DNAH11: variants seen among roughly 807,000 people sequenced by gnomAD.
The protein encoded by DNAH11 is dynein axonemal heavy chain 11.
DNAH11 carries 442 observed loss-of-function variants against 526.0 expected under a neutral mutation model. The ratio of observed to expected loss-of-function variants is 0.84; its 90% CI spans 0.78 to 0.91. DNAH11 has a LOEUF of 0.91. Ranked by LOEUF, DNAH11 falls within the 40% of genes least tolerant of loss-of-function variation. DNAH11 has a pLI of 0.00. For synonymous variants in DNAH11, 2,461 were observed against 1,935.9 expected, an observed-to-expected ratio of 1.27 and a Z score of -7.12; for missense variants, 6,989 against 5,448.7, an observed-to-expected ratio of 1.28 and a Z score of -8.90.
intron 46 of DNAH11, among the ~76,000 whole-genome samples, chr7:21,736,412 C>T (rs188565837): frequency 3.4e-4 from 52 of 152,220 alleles, no homozygotes; most frequent in African/African-American, 1.2e-3. Flanking sequence ...ACCGAAAGAG[C>T]TGATGTCGGA....
Position 21,681,537 on chromosome 7 carries a change from T to C in DNAH11, c.5329-9T>C, listed in dbSNP as rs773240082. The C allele has an allele frequency of 6.2e-6, 10 of 1,612,302 alleles. No homozygotes were observed. The highest frequency in any genetic ancestry group is 8.5e-6 in the Non-Finnish European group (10 of 1,179,010). The stretch of plus-strand genomic sequence containing the variant: ...CCTTCTCTCCTTTTTAAAAAATGAT[T>C]CCTTCTAGATTTCTCAGCTGAATAC... On this transcript the variant is annotated splice_polypyrimidine_tract_variant and intron_variant, in intron 30 of 81. Coordinates refer to ENST00000409508, the MANE Select transcript of DNAH11 (RefSeq NM_001277115.2).
At chr7:21,860,766 C>G (rs924542490) in intron 68 of DNAH11, among the ~76,000 whole-genome samples, 43 of 152,202 alleles carry the variant, frequency 2.8e-4, no homozygotes, top group African/African-American at 9.9e-4. Flanking sequence ...ACCCAAGAGA[C>G]TGGGTGATTT....
At chr7:21,675,301 G>A (rs1021960463) in intron 30 of DNAH11, among the ~76,000 whole-genome samples, 5 of 152,142 alleles carry the variant, frequency 3.3e-5, no homozygotes, top group Admixed American at 6.6e-5. Context: ...ACCTCTTTCA[G>A]TTTTTCCACA....
chr7:21,711,769 T>G lies in DNAH11; in HGVS notation c.6892T>G (p.Phe2298Val). The change falls in exon 42 of 82, where the codon TTT (phenylalanine) becomes GTT (valine). Residue 2298 changes from phenylalanine to valine, a missense_variant. Physicochemically the swap from Phe to Val is conservative, Grantham distance 50. Transcript: ENST00000409508. ...IALTPFMRLL[F>V]EIHHLRSATP... ...ACTCACTCCCTTCATGAGGCTTCTG[T>G]TTGAGATACATCACTTAAGGAGCGC... 6.2e-7 allele frequency: 1 copy of G among 1,613,878 alleles called. No homozygotes were observed. The highest frequency in any genetic ancestry group is 8.5e-7 in the Non-Finnish European group (1 of 1,179,814).
At chr7:21,606,758 T>A in intron 20 of DNAH11, 25 bp downstream of exon 20, 1 of 1,565,964 alleles carries the variant, frequency 6.4e-7, no homozygotes. Context: ...AAATATCCTG[T>A]GTGCATTAAA....
rs376858243 is a variant in DNAH11, at chr7:21,687,192, C to T, written c.5715C>T (p.Asp1905=). The change falls in exon 33 of 82, where the codon GAC becomes GAT. Residue 1905 remains aspartate, a synonymous_variant. Transcript: ENST00000409508. ...CCGGGAAAACAGAGACCACCAAAGACCTAGGACGTGCCCTTGGCATGATGG... is the reference window on the plus strand; with the variant it reads ...CCGGGAAAACAGAGACCACCAAAGATCTAGGACGTGCCCTTGGCATGATGG... The part of the protein sequence containing the change: ...AGTGKTETTK[D]LGRALGMMVY... 6.8e-6 allele frequency: 11 copies of T among 1,611,424 alleles called. No individual in the cohort carries two copies. Among genetic ancestry groups the T allele is most frequent in the African/African-American group, 1.3e-5 (1 of 74,866 alleles).
intron 47 of DNAH11, 42 bp downstream of exon 47, chr7:21,738,908 A>T: frequency 1.4e-6 from 2 of 1,434,516 alleles, no homozygotes; most frequent in Non-Finnish European, 1.9e-6. Flanking sequence ...AAAATCTAAT[A>T]ATTATTATGG....
intron 65 of DNAH11, among the ~76,000 whole-genome samples, chr7:21,826,608 T>A (rs989697962): frequency 2.0e-5 from 3 of 152,194 alleles, no homozygotes; most frequent in Admixed American, 6.5e-5. Flanking sequence ...CTTTTTTTTT[T>A]TCCTATGTGA....
At chr7:21,633,750 G>T (rs7777720) in intron 25 of DNAH11, among the ~76,000 whole-genome samples, 1 of 152,054 alleles carries the variant, frequency 6.6e-6, no homozygotes, top group Non-Finnish European at 1.5e-5. Context: ...TAAGGTGGGC[G>T]GAAGACCCAG....
intron 28 of DNAH11, among the ~76,000 whole-genome samples, chr7:21,644,379 A>G (rs1787255782): frequency 6.6e-6 from 1 of 152,184 alleles, no homozygotes; most frequent in South Asian, 2.1e-4. Flanking sequence ...GTATGCCAAA[A>G]CCTTCACTGA....
chr7:21,787,917 C>T (rs1292806539), intron 60 of DNAH11, among the ~76,000 whole-genome samples: 1 of 152,174 alleles, frequency 6.6e-6, no homozygotes, highest in Non-Finnish European at 1.5e-5. Flanking sequence ...TCTGAATTCA[C>T]ATCAAATGAA....
chr7:21,792,650 A>G (rs893392745), intron 61 of DNAH11, among the ~76,000 whole-genome samples: 1 of 151,852 alleles, frequency 6.6e-6, no homozygotes, highest in Admixed American at 6.6e-5. Flanking sequence ...GAATTTTTTC[A>G]TTTCTTATAG....
chr7:21,555,125 GAGAGTGTAGCCC>G (rs1259048293), intron 2 of DNAH11, among the ~76,000 whole-genome samples: 68 of 152,282 alleles, frequency 4.5e-4, no homozygotes, highest in African/African-American at 1.5e-3. Flanking sequence ...TGATCCAGCA[GAGAGTGTAGCCC>G]ATCTCCTCTT....
chr7:21,652,895 A>G (rs1282655236), intron 28 of DNAH11, among the ~76,000 whole-genome samples: 4 of 152,020 alleles, frequency 2.6e-5, no homozygotes, highest in African/African-American at 7.2e-5. Flanking sequence ...TATGTATTTG[A>G]GATGGAGTTT....
chr7:21,784,369 T>G (rs1788082041), intron 57 of DNAH11, 58 bp from the exon 58 acceptor site: 1 of 1,319,088 alleles, frequency 7.6e-7, no homozygotes, highest in South Asian at 1.2e-5. Flanking sequence ...CCATTTTTCT[T>G]TAGAGATATC....
intron 68 of DNAH11, among the ~76,000 whole-genome samples, chr7:21,858,285 A>C (rs1782930423): frequency 6.6e-6 from 1 of 152,226 alleles, no homozygotes; most frequent in African/African-American, 2.4e-5. Context: ...GAAGGAATGC[A>C]ATAAACCATT....
At chr7:21,791,066 T>G (rs1315146794) in intron 61 of DNAH11, among the ~76,000 whole-genome samples, 2 of 151,964 alleles carry the variant, frequency 1.3e-5, no homozygotes, top group Non-Finnish European at 2.9e-5. Context: ...GGGAGAGAGA[T>G]TACGTTCAAG....
At chr7:21,784,649 T>C (rs774025498) in intron 58 of DNAH11, 109 bp downstream of exon 58, 5 of 713,768 alleles carry the variant, frequency 7.0e-6, no homozygotes, top group African/African-American at 1.8e-5. Context: ...AAAAGTATTT[T>C]AAAAGGAAAG....
chr7:21,561,388 G>T, intron 5 of DNAH11: 1 of 394,334 alleles, frequency 2.5e-6, no homozygotes, highest in Non-Finnish European at 4.5e-6. Flanking sequence ...TGCCAAAATG[G>T]CTCCAGATTG....
Sources: allele counts gnomAD v4.1 joint callset (sites outside exome capture counted in the v4.1 genomes callset), GRCh38; gene constraint gnomAD v4.1.1; transcripts MANE v1.5; gene names NCBI Gene and HGNC (gene_info 2026-07-23, HGNC 2026-07-21).